The following TNFRSF1B variants were observed in gnomAD, a reference collection of about 807,000 sequenced individuals.
The protein encoded by TNFRSF1B is TNF receptor superfamily member 1B.
A neutral mutation model predicts 44.6 loss-of-function variants in TNFRSF1B; 19 were observed. The ratio of observed to expected loss-of-function variants is 0.43; its 90% confidence interval spans 0.30 to 0.62. TNFRSF1B has a LOEUF of 0.62. Ranked by LOEUF, TNFRSF1B falls within the 20% of genes least tolerant of loss-of-function variation. The probability of loss-of-function intolerance (pLI) is 0.16; values close to 1 mark genes in which losing one functional copy is unlikely to be tolerated. For missense variants in TNFRSF1B, 541 were observed against 619.9 expected (o/e 0.87, Z 1.35); for synonymous variants, 252 against 261.1 (o/e 0.97, Z 0.34).
chr1:12,198,376 G>A (rs1639314913), intron 8 of TNFRSF1B, among the ~76,000 whole-genome samples: 1 of 152,148 alleles, frequency 6.6e-6, no homozygotes, highest in Non-Finnish European at 1.5e-5. Flanking sequence ...TCCCAGTGTG[G>A]CACAGCTAAT....
At chr1:12,172,353 T>A (rs926438663) in intron 1 of TNFRSF1B, among the ~76,000 whole-genome samples, 4 of 152,234 alleles carry the variant, frequency 2.6e-5, no homozygotes, top group African/African-American at 9.6e-5. Flanking sequence ...AGTCTTTCTA[T>A]CCCTCGGAGC....
chr1:12,179,636 G>A (rs1479305847), intron 1 of TNFRSF1B, among the ~76,000 whole-genome samples: 1 of 152,176 alleles, frequency 6.6e-6, no homozygotes, highest in Admixed American at 6.5e-5. Flanking sequence ...GTTCACAGAA[G>A]AGTCACTCCC....
intron 1 of TNFRSF1B, chr1:12,167,561 C>A (rs966509208): frequency 1.7e-5 from 6 of 348,750 alleles, no homozygotes; most frequent in Non-Finnish European, 2.8e-5. Context: ...CCCTCCCACG[C>A]GGTGGAGAAG....
rs1380584547 is a variant in TNFRSF1B at position 12,199,969 on chromosome 1, C to A, written c.901-1998C>A. Reference sequence around the variant, plus strand: ...CGCCTGGCCAGCCAGTGGGAACAGACAACAGCCTGGGAGAGGAATTTCCAG... The same window carrying A: ...CGCCTGGCCAGCCAGTGGGAACAGAAAACAGCCTGGGAGAGGAATTTCCAG... On this transcript the variant is annotated intron_variant, in intron 8 of 9. Coordinates refer to ENST00000376259, the MANE Select transcript of TNFRSF1B (RefSeq NM_001066.3). The surrounding 1 kb of genome is among the most constrained non-coding windows in gnomAD (Gnocchi z 4.0). Among the ~76,000 whole-genome samples the A allele has an allele frequency of 6.6e-6, 1 of 151,832 alleles. No homozygotes were observed. Among genetic ancestry groups the A allele is most frequent in the Non-Finnish European group, 1.5e-5 (1 of 67,786 alleles).
intron 1 of TNFRSF1B, among the ~76,000 whole-genome samples, chr1:12,172,276 C>T (rs982493918): frequency 2.0e-5 from 3 of 152,190 alleles, no homozygotes; most frequent in African/African-American, 7.2e-5. Flanking sequence ...GGGAAAGGCC[C>T]CGGCCTCTGA....
chr1:12,178,060 A>G lies in TNFRSF1B; in HGVS notation c.79-10736A>G, dbSNP rs1244686127. 2.0e-5 allele frequency among the ~76,000 whole-genome samples: 3 copies of G among 152,132 alleles called. No individual in the cohort carries two copies. The highest frequency in any genetic ancestry group is 1.9e-4 in the East Asian group (1 of 5,198). The stretch of plus-strand genomic sequence containing the variant: ...AGCGCTATGCCTACCTCACCCTCCA[A>G]TGAGGTGGTGGTGGAGGAGACCGTG... On this transcript the variant is annotated intron_variant, in intron 1 of 9. Coordinates refer to ENST00000376259, the MANE Select transcript of TNFRSF1B (RefSeq NM_001066.3). The surrounding 1 kb of genome is among the most constrained non-coding windows in gnomAD (Gnocchi z 4.3).
chr1:12,205,451 G>T (rs573340239), intron 9 of TNFRSF1B, among the ~76,000 whole-genome samples: 225 of 152,214 alleles, frequency 1.5e-3, no homozygotes, highest in African/African-American at 4.3e-3. Flanking sequence ...GAAGTGATCT[G>T]CCAGGTTCAA....
Position 12,193,076 on chromosome 1 carries a change from T to C in TNFRSF1B, c.765T>C (p.Thr255=), listed in dbSNP as rs1486886581. 1 of 1,614,032 alleles carries C rather than the reference T, an allele frequency of 6.2e-7. No homozygotes were observed. Among genetic ancestry groups the C allele is most frequent in the Non-Finnish European group, 8.5e-7 (1 of 1,179,938 alleles). Residue 255 remains threonine, a synonymous_variant, in exon 6 of 10, where the codon ACT becomes ACC. Transcript: ENST00000376259. Reference sequence around the variant, plus strand: ...CCAGCCCCCCAGCTGAAGGGAGCACTGGCGACTTCGCTCTTCCAGTTGGTA... The same window carrying C: ...CCAGCCCCCCAGCTGAAGGGAGCACCGGCGACTTCGCTCTTCCAGTTGGTA... ...MGPSPPAEGS[T]GDFALPVGLI...
rs1043570367 is a variant in TNFRSF1B, at chr1:12,199,198, G to A, written c.901-2769G>A. Among the ~76,000 whole-genome samples the A allele has an allele frequency of 1.3e-5, 2 of 152,200 alleles. No homozygotes were observed. Among genetic ancestry groups the A allele is most frequent in the Middle Eastern group, 3.2e-3 (1 of 316 alleles). On this transcript the variant is annotated intron_variant, in intron 8 of 9. Coordinates refer to ENST00000376259, the MANE Select transcript of TNFRSF1B (RefSeq NM_001066.3). The surrounding 1 kb of genome is among the most constrained non-coding windows in gnomAD (Gnocchi z 4.0). ...CACCAGCAGAGGGGGTGGGGCACAG[G>A]CCAGAAAAACCCCTTTTGTGGGGTT...
rs1638898173 is a variant in TNFRSF1B at position 12,183,748 on chromosome 1, TC to T, written c.79-5047del. Among the ~76,000 whole-genome samples the T allele has an allele frequency of 6.4e-3, 744 of 116,846 alleles. 13 individuals are homozygous for T. The highest frequency in any genetic ancestry group is 0.014 in the Middle Eastern group (3 of 216). The allele number at this position is 116,846 out of a possible 152,430, so 76.7% of individuals were successfully genotyped here. A position where few individuals can be genotyped will look rare whatever the true frequency, so the allele number is the denominator to read the frequency against. ...ATCTATCTATCTATCTATCTATCTA[TC>T]TAGCTAGCTAGCTAGCTAGCTATCT... On this transcript the variant is annotated intron_variant, in intron 1 of 9. Coordinates refer to ENST00000376259, the MANE Select transcript of TNFRSF1B (RefSeq NM_001066.3).
In TNFRSF1B at chr1:12,188,800, C is replaced by T. The variant is rs142907823; in HGVS notation, c.83C>T (p.Ala28Val). The change falls in exon 2 of 10, where the codon GCA (alanine) becomes GTA (valine). Residue 28 changes from alanine (A) to valine (V), a missense_variant. Coordinates refer to ENST00000376259, the MANE Select transcript of TNFRSF1B (RefSeq NM_001066.3). ...AAAHALPAQV[A>V]FTPYAPEPGS... ...GTCTTCCCTTCTTCCTTCCAGGTGG[C>T]ATTTACACCCTACGCCCCGGAGCCC... is the stretch of plus-strand genomic sequence containing the variant. 1 of 1,613,330 alleles carries T rather than the reference C, an allele frequency of 6.2e-7. No homozygotes were observed. Among genetic ancestry groups the T allele is most frequent in the Non-Finnish European group, 8.5e-7 (1 of 1,179,620 alleles).
rs1270279405 is a variant in TNFRSF1B, at chr1:12,178,632, G to A, written c.79-10164G>A. 6.6e-6 allele frequency among the ~76,000 whole-genome samples: 1 copy of A among 152,190 alleles called. No individual in the cohort carries two copies. The highest frequency in any genetic ancestry group is 6.5e-5 in the Admixed American group (1 of 15,288). On this transcript the variant is annotated intron_variant, in intron 1 of 9. Transcript: ENST00000376259. This position sits in a 1 kb window ranked among gnomAD's most constrained non-coding sequence, Gnocchi z 4.3. ...GGACCTCTGACCTCCCTGAAATGAT[G>A]GCAGAGGGAACTCTTGAAAGAAGCT...
chr1:12,207,914 GAAAA>G lies in TNFRSF1B; in HGVS notation c.*901_*904del, dbSNP rs55651536. 1 of 148,686 alleles carries G rather than the reference GAAAA, an allele frequency of 6.7e-6. No individual in the cohort carries two copies. The highest frequency in any genetic ancestry group is 1.5e-5 in the Non-Finnish European group (1 of 67,064). The allele number at this position is 148,686 out of a possible 1,614,324, so 9.2% of individuals were successfully genotyped here. The stretch of plus-strand genomic sequence containing the variant: ...GACAGAGCGAGAGTCTGTCTCAAAA[GAAAA>G]AAAAAAGCACCGCCTCCAAATGCCA... On this transcript the variant is annotated 3_prime_UTR_variant, in exon 10 of 10. Coordinates refer to ENST00000376259, the MANE Select transcript of TNFRSF1B (RefSeq NM_001066.3).
At chr1:12,170,808 A>G (rs1227682246) in intron 1 of TNFRSF1B, among the ~76,000 whole-genome samples, 1 of 151,036 alleles carries the variant, frequency 6.6e-6, no homozygotes, top group Non-Finnish European at 1.5e-5. Flanking sequence ...CTGGGACTAC[A>G]GGCATGCACC....
chr1:12,200,234 C>A (rs1014349655), intron 8 of TNFRSF1B, among the ~76,000 whole-genome samples: 1 of 152,008 alleles, frequency 6.6e-6, no homozygotes, highest in Admixed American at 6.6e-5. Context: ...CAGTGCATGG[C>A]ATTGGGTGGC....
Position 12,169,120 on chromosome 1 carries a change from C to T in TNFRSF1B, c.78+1951C>T, listed in dbSNP as rs2101072948. Among the ~76,000 whole-genome samples the T allele has an allele frequency of 6.6e-6, 1 of 152,344 alleles. No individual in the cohort carries two copies. Among genetic ancestry groups the T allele is most frequent in the Non-Finnish European group, 1.5e-5 (1 of 68,028 alleles). On this transcript the variant is annotated intron_variant, in intron 1 of 9. Transcript: ENST00000376259. The surrounding 1 kb of genome is among the most constrained non-coding windows in gnomAD (Gnocchi z 4.5). ...TGCCATTCTCTCCAGGAAAGCCTTT[C>T]CGCATTCTCAGTTGGATTTGATCTT...
chr1:12,201,916 G>C, intron 8 of TNFRSF1B, 51 bp from the exon 9 acceptor site: 1 of 1,529,618 alleles, frequency 6.5e-7, no homozygotes, highest in Non-Finnish European at 8.8e-7. Context: ...GGGGAAGAAA[G>C]AGCTGGCTGG....
chr1:12,167,155 G>C lies in TNFRSF1B; in HGVS notation c.64G>C (p.Ala22Pro). 7.7e-7 allele frequency: 1 copy of C among 1,294,704 alleles called. No individual in the cohort carries two copies. Among genetic ancestry groups the C allele is most frequent in the Non-Finnish European group, 9.8e-7 (1 of 1,018,716 alleles). 80.2% of individuals were successfully genotyped at this position (1,294,704 alleles called of 1,614,324 possible). A position where few individuals can be genotyped will look rare whatever the true frequency, so the allele number is the denominator to read the frequency against. The change falls in exon 1 of 10, where the codon GCC becomes CCC. Residue 22 changes from alanine to proline, a missense_variant. Ala to Pro is a conservative substitution (Grantham distance 27). Transcript: ENST00000376259. Reference protein sequence around the residue: ...VGLELWAAAHALPAQVAFTPY... With the variant: ...VGLELWAAAHPLPAQVAFTPY... ...ACTGGAGCTCTGGGCTGCGGCGCACGCCTTGCCCGCCCAGGTGGGTGACTC... is the reference window on the plus strand; with the variant it reads ...ACTGGAGCTCTGGGCTGCGGCGCACCCCTTGCCCGCCCAGGTGGGTGACTC...
Position 12,207,328 on chromosome 1 carries a change from C to T in TNFRSF1B, c.*308C>T. Reference sequence around the variant, plus strand: ...TGTGACCTGCCCCGCCCAGCTGCACCTGCCAGCCTGGCTTCTGGAGCCCTT... The same window carrying T: ...TGTGACCTGCCCCGCCCAGCTGCACTTGCCAGCCTGGCTTCTGGAGCCCTT... On this transcript the variant is annotated 3_prime_UTR_variant, in exon 10 of 10. Coordinates refer to ENST00000376259, the MANE Select transcript of TNFRSF1B (RefSeq NM_001066.3). 1 of 351,096 alleles carries T rather than the reference C, an allele frequency of 2.8e-6. No homozygotes were observed. Among genetic ancestry groups the T allele is most frequent in the Non-Finnish European group, 5.1e-6 (1 of 196,028 alleles). The allele number at this position is 351,096 out of a possible 1,614,324, so 21.7% of individuals were successfully genotyped here.
Sources: gnomAD v4.1 joint callset for allele counts (sites outside exome capture counted in the v4.1 genomes callset) on GRCh38, gnomAD v4.1.1 for gene constraint, Gnocchi (gnomAD v3.1) non-coding constraint, MANE v1.5 for transcripts, NCBI Gene and HGNC (gene_info 2026-07-23, HGNC 2026-07-21) for gene names.